The following CDH8 variants were observed in gnomAD, a reference collection of about 807,000 sequenced individuals.
The protein encoded by CDH8 is cadherin-8.
A neutral mutation model predicts 68.1 loss-of-function variants in CDH8; 17 were observed. That is an observed-to-expected ratio of 0.25 (90% CI 0.17 to 0.37). CDH8 has a LOEUF of 0.37. Ranked by LOEUF, CDH8 falls within the 10% of genes least tolerant of loss-of-function variation. The pLI, the probability that CDH8 is intolerant of heterozygous loss-of-function variation, is 1.00. For synonymous variants in CDH8, 372 were observed against 365.1 expected (o/e 1.02, Z -0.21); for missense variants, 763 against 999.3 (o/e 0.76, Z 3.19).
chr16:61,774,625 C>G lies in CDH8; in HGVS notation c.1414+14721G>C, dbSNP rs1003561305. Among the ~76,000 whole-genome samples, 3 of 151,990 alleles carry G rather than the reference C, an allele frequency of 2.0e-5. No individual in the cohort carries two copies. In the East Asian group the frequency reaches 5.8e-4, roughly 29 times the overall value. On this transcript the variant is annotated intron_variant, in intron 8 of 11. Transcript: ENST00000577390. ...TGGAGTTAGAAATCATCAGGGTACT[C>G]CCTCATTATACTAATTCATTATTTC...
intron 10 of CDH8, among the ~76,000 whole-genome samples, chr16:61,656,057 A>G (rs1457689215): frequency 6.6e-6 from 1 of 152,062 alleles, no homozygotes; most frequent in African/African-American, 2.4e-5. Context: ...TATTTTTAGT[A>G]GAGACGGAGT....
intron 1 of CDH8, among the ~76,000 whole-genome samples, chr16:62,031,527 A>G (rs924677849): frequency 2.0e-5 from 3 of 152,140 alleles, no homozygotes; most frequent in Non-Finnish European, 2.9e-5. Context: ...TAGCATTTGC[A>G]ATTGTCTTTG....
chr16:61,991,149 T>C (rs1459357423), intron 2 of CDH8, among the ~76,000 whole-genome samples: 2 of 152,148 alleles, frequency 1.3e-5, no homozygotes, highest in Admixed American at 6.5e-5. Context: ...ATGCATACCC[T>C]AAACCAACTT....
intron 10 of CDH8, 64 bp downstream of exon 10, chr16:61,713,777 T>C: frequency 1.2e-6 from 1 of 855,946 alleles, no homozygotes; most frequent in Non-Finnish European, 1.9e-6. Context: ...TCAGTTATGT[T>C]ATGAAATTGC....
chr16:62,000,264 G>A (rs1289380226), intron 2 of CDH8, among the ~76,000 whole-genome samples: 1 of 152,122 alleles, frequency 6.6e-6, no homozygotes, highest in Non-Finnish European at 1.5e-5. Flanking sequence ...ATAAACATAT[G>A]TATGCATGTT....
chr16:61,879,934 G>GT (rs1007758077), intron 3 of CDH8, among the ~76,000 whole-genome samples: 56 of 150,456 alleles, frequency 3.7e-4, no homozygotes, highest in Middle Eastern at 3.5e-3. Context: ...GGTTTGGTTT[G>GT]TTTTTTTTTG....
At chr16:61,753,162 T>C (rs757234578) in intron 8 of CDH8, among the ~76,000 whole-genome samples, 1 of 152,114 alleles carries the variant, frequency 6.6e-6, no homozygotes, top group Non-Finnish European at 1.5e-5. Context: ...AAAACATTCA[T>C]AGTATTTTAT....
intron 8 of CDH8, among the ~76,000 whole-genome samples, chr16:61,733,405 T>C (rs1959588244): frequency 6.6e-6 from 1 of 151,960 alleles, no homozygotes; most frequent in Non-Finnish European, 1.5e-5. Flanking sequence ...AAAAAAAATC[T>C]TTATGCTGTA....
chr16:61,798,959 C>T (rs148638303), intron 7 of CDH8, among the ~76,000 whole-genome samples: 11 of 152,168 alleles, frequency 7.2e-5, no homozygotes, highest in Admixed American at 2.0e-4. Context: ...GCATGGAATC[C>T]GGAAGTTCTG....
intron 8 of CDH8, among the ~76,000 whole-genome samples, chr16:61,746,470 C>T (rs1406020184): frequency 5.3e-5 from 8 of 151,184 alleles, no homozygotes; most frequent in African/African-American, 1.9e-4. Flanking sequence ...TGTTGTTCTC[C>T]CTAACTTTAT....
chr16:61,801,805 G>A (rs948634008), intron 7 of CDH8, among the ~76,000 whole-genome samples: 28 of 152,328 alleles, frequency 1.8e-4, no homozygotes, highest in African/African-American at 5.8e-4. Flanking sequence ...CACCTGGCTC[G>A]GAGGGCCCTA....
At chr16:61,884,038 C>T (rs531164188) in intron 3 of CDH8, among the ~76,000 whole-genome samples, 2 of 152,084 alleles carry the variant, frequency 1.3e-5, no homozygotes, top group Admixed American at 1.3e-4. Flanking sequence ...ATGGGTTAGA[C>T]ACCTCTGAAA....
At chr16:61,747,290 G>A (rs1052764005) in intron 8 of CDH8, among the ~76,000 whole-genome samples, 1 of 152,042 alleles carries the variant, frequency 6.6e-6, no homozygotes, top group Non-Finnish European at 1.5e-5. Flanking sequence ...GTTGGTTTTC[G>A]ATGTACTTGC....
At chr16:61,784,020 T>G (rs1961163131) in intron 8 of CDH8, among the ~76,000 whole-genome samples, 2 of 152,046 alleles carry the variant, frequency 1.3e-5, no homozygotes, top group Admixed American at 6.5e-5. Context: ...AGGAAGAAAC[T>G]GCATCAACTA....
chr16:61,779,798 C>A (rs1356878506), intron 8 of CDH8, among the ~76,000 whole-genome samples: 2 of 152,120 alleles, frequency 1.3e-5, no homozygotes, highest in African/African-American at 2.4e-5. Flanking sequence ...CATTCCTTCA[C>A]CTCACCCTTG....
rs554017332 is a variant in CDH8 at position 62,003,370 on chromosome 16, A to T, written c.252+17782T>A. On this transcript the variant is annotated intron_variant, in intron 2 of 11. Transcript: ENST00000577390. ...AGATAATAGCAGTTGAATAGCTCTC[A>T]GTTATTGCAACATAGTACTTTTATA... Among the ~76,000 whole-genome samples the T allele has an allele frequency of 2.6e-5, 4 of 152,358 alleles. No homozygotes were observed. In the South Asian group the frequency reaches 8.3e-4, roughly 32 times the overall value.
At chr16:61,934,759 T>A (rs555072510) in intron 2 of CDH8, among the ~76,000 whole-genome samples, 3 of 152,296 alleles carry the variant, frequency 2.0e-5, no homozygotes, top group African/African-American at 7.2e-5. Flanking sequence ...GTGTTGTTAG[T>A]ATTCAAGACA....
intron 2 of CDH8, among the ~76,000 whole-genome samples, chr16:61,914,286 C>T (rs144137375): frequency 3.0e-3 from 450 of 152,294 alleles, no homozygotes; most frequent in African/African-American, 0.01. Context: ...CAAGCAAGCT[C>T]ATACATCTTC....
At chr16:61,850,553 G>A (rs369432480) in intron 4 of CDH8, among the ~76,000 whole-genome samples, 18 of 152,008 alleles carry the variant, frequency 1.2e-4, no homozygotes, top group African/African-American at 2.4e-4. Flanking sequence ...TGCAGATTAC[G>A]TTTATTATAT....
Sources: gnomAD v4.1 joint callset for allele counts (sites outside exome capture counted in the v4.1 genomes callset) on GRCh38, gnomAD v4.1.1 for gene constraint, MANE v1.5 for transcripts, NCBI Gene and HGNC (gene_info 2026-07-23, HGNC 2026-07-21) for gene names.